KIAA1958: variants seen among roughly 807,000 people sequenced by gnomAD.
The protein encoded by KIAA1958 is uncharacterized protein KIAA1958.
In KIAA1958, 14 loss-of-function variants were observed where a neutral mutation model predicts 47.2. That is an observed-to-expected ratio of 0.30 (90% CI 0.20 to 0.46). The LOEUF is 0.46. Among genes scored for constraint, KIAA1958 ranks in the 20% least tolerant of loss-of-function variants. The pLI, the probability that KIAA1958 is intolerant of heterozygous loss-of-function variation, is 1.00. For missense variants in KIAA1958, 803 were observed against 909.2 expected (o/e 0.88, Z 1.50); for synonymous variants, 354 against 353.3 (o/e 1.00, Z -0.02).
rs1835226160 is a variant in KIAA1958 at position 112,555,589 on chromosome 9, T to A, written c.-24-18468T>A. 3.3e-5 allele frequency among the ~76,000 whole-genome samples: 5 copies of A among 152,212 alleles called. No homozygotes were observed. In the South Asian group the frequency reaches 1.0e-3, roughly 32 times the overall value. ...TTCCAGCAGGTTCATTGCCTTCTGC[T>A]CCATGGATGGCATCTTCTCGTCTTC... On this transcript the variant is annotated intron_variant, in intron 1 of 3. Coordinates refer to ENST00000337530, the MANE Select transcript of KIAA1958 (RefSeq NM_133465.4).
chr9:112,555,250 T>A (rs1835220838), intron 1 of KIAA1958, among the ~76,000 whole-genome samples: 1 of 152,202 alleles, frequency 6.6e-6, no homozygotes, highest in African/African-American at 2.4e-5. Context: ...AGAGCTTACC[T>A]CCAGGCAATA....
intron 2 of KIAA1958, chr9:112,581,734 C>G (rs1835739636): frequency 5.3e-6 from 1 of 189,640 alleles, no homozygotes; most frequent in African/African-American, 2.3e-5. Context: ...GGCCTGATAC[C>G]TTTCAACACT....
chr9:112,520,970 C>T (rs1834530007), intron 1 of KIAA1958, among the ~76,000 whole-genome samples: 1 of 152,110 alleles, frequency 6.6e-6, no homozygotes, highest in East Asian at 1.9e-4. Context: ...CCATCTCCTT[C>T]TTTGTTTTGT....
At chr9:112,592,914 C>T (rs1044544354) in intron 2 of KIAA1958, among the ~76,000 whole-genome samples, 3 of 152,120 alleles carry the variant, frequency 2.0e-5, no homozygotes, top group African/African-American at 7.2e-5. Flanking sequence ...AATTTTGCTA[C>T]TGTTGTGCTA....
intron 1 of KIAA1958, among the ~76,000 whole-genome samples, chr9:112,497,785 C>T (rs1447179032): frequency 6.6e-6 from 1 of 152,042 alleles, no homozygotes; most frequent in Non-Finnish European, 1.5e-5. Context: ...GTTTCTGTTT[C>T]TACCAGCCTC....
intron 2 of KIAA1958, among the ~76,000 whole-genome samples, chr9:112,622,891 A>G: frequency 6.6e-6 from 1 of 152,214 alleles, no homozygotes; most frequent in East Asian, 1.9e-4. Flanking sequence ...CTGGAGGGGT[A>G]TAAAGACACA....
chr9:112,563,073 C>CTG (rs1835363928), intron 1 of KIAA1958, among the ~76,000 whole-genome samples: 1 of 62,684 alleles, frequency 1.6e-5, no homozygotes, highest in East Asian at 3.3e-4. Context: ...CTGTCTCTCT[C>CTG]TCTCTCTCTC....
intron 1 of KIAA1958, among the ~76,000 whole-genome samples, chr9:112,547,775 C>T (rs1186861278): frequency 2.0e-4 from 31 of 152,070 alleles, no homozygotes; most frequent in Admixed American, 2.0e-3. Context: ...TTCCCTGGTC[C>T]AGGAGAGAAT....
intron 3 of KIAA1958, among the ~76,000 whole-genome samples, chr9:112,651,064 G>A: frequency 6.6e-6 from 1 of 152,126 alleles, no homozygotes. Context: ...AGGAAAAATT[G>A]CAAATCCACA....
At chr9:112,580,420 A>G (rs181184867) in intron 2 of KIAA1958, among the ~76,000 whole-genome samples, 5 of 152,010 alleles carry the variant, frequency 3.3e-5, no homozygotes, top group African/African-American at 1.2e-4. Flanking sequence ...ATATATATGT[A>G]TATATATATA....
intron 1 of KIAA1958, among the ~76,000 whole-genome samples, chr9:112,525,247 G>A (rs7036256): frequency 0.26 from 39,646 of 152,110 alleles, 5,184 homozygotes; most frequent in Middle Eastern, 0.39. Context: ...TTAGGTAGGT[G>A]TTCTGTGTAG....
Position 112,660,449 on chromosome 9 carries a change from AGTAGCTTTAG to A in KIAA1958, c.*381_*390del. On this transcript the variant is annotated 3_prime_UTR_variant, in exon 4 of 4. Coordinates refer to ENST00000337530, the MANE Select transcript of KIAA1958 (RefSeq NM_133465.4). ...TTTAAAAAAAAAATCCCAGTAGCGC[AGTAGCTTTAG>A]AACGTTAGGAAGACTGTACACTTTG... 1 of 211,852 alleles carries A rather than the reference AGTAGCTTTAG, an allele frequency of 4.7e-6. No homozygotes were observed. Among genetic ancestry groups the A allele is most frequent in the Non-Finnish European group, 9.6e-6 (1 of 104,216 alleles). The allele number at this position is 211,852 out of a possible 1,614,324, so 13.1% of individuals were successfully genotyped here. A position where few individuals can be genotyped will look rare whatever the true frequency, so the allele number is the denominator to read the frequency against.
chr9:112,653,019 T>C (rs1283514737), intron 3 of KIAA1958, among the ~76,000 whole-genome samples: 1 of 152,168 alleles, frequency 6.6e-6, no homozygotes, highest in Non-Finnish European at 1.5e-5. Flanking sequence ...TCAGGGAGCT[T>C]TCAGTCCACT....
rs373604210 is a variant in KIAA1958 at position 112,516,377 on chromosome 9, CTATT to C, written c.-25+29262_-25+29265del. Reference sequence around the variant, plus strand: ...TTTGTAATAGCATCAAAAACATTAACTATTTAGCGATAAAGCTAATAAAATACAT... The same window carrying C: ...TTTGTAATAGCATCAAAAACATTAACTAGCGATAAAGCTAATAAAATACAT... On this transcript the variant is annotated intron_variant, in intron 1 of 3. Transcript: ENST00000337530. 6.4e-3 allele frequency among the ~76,000 whole-genome samples: 968 copies of C among 151,966 alleles called. 13 individuals are homozygous for C. The highest frequency in any genetic ancestry group is 5.9e-3 in the Non-Finnish European group (404 of 67,968).
rs1259815587 is a variant in KIAA1958, at chr9:112,618,003, T to C, written c.1172-27647T>C. On this transcript the variant is annotated intron_variant, in intron 2 of 3. Transcript: ENST00000337530. The surrounding 1 kb of genome is among the most constrained non-coding windows in gnomAD (Gnocchi z 7.1). ...CCTTCTGAAACAAGAGAGATTTATGTCATCCCTTGCAAGGAGTTGGATGCC... is the reference window on the plus strand; with the variant it reads ...CCTTCTGAAACAAGAGAGATTTATGCCATCCCTTGCAAGGAGTTGGATGCC... 2 of 1,550,496 alleles carry C rather than the reference T, an allele frequency of 1.3e-6. No homozygotes were observed. The highest frequency in any genetic ancestry group is 1.7e-6 in the Non-Finnish European group (2 of 1,147,002).
At chr9:112,621,362 A>AG in intron 2 of KIAA1958, among the ~76,000 whole-genome samples, 1 of 152,344 alleles carries the variant, frequency 6.6e-6, no homozygotes, top group Admixed American at 6.5e-5. Flanking sequence ...GTTTAAAAAA[A>AG]GGTCTCTGTA....
chr9:112,564,494 T>C (rs1269121593), intron 1 of KIAA1958, among the ~76,000 whole-genome samples: 1 of 152,228 alleles, frequency 6.6e-6, no homozygotes, highest in Non-Finnish European at 1.5e-5. Context: ...AACTAGGGAC[T>C]CACTGTTATT....
intron 1 of KIAA1958, among the ~76,000 whole-genome samples, chr9:112,525,519 C>G (rs950657570): frequency 2.0e-5 from 3 of 152,156 alleles, no homozygotes; most frequent in Non-Finnish European, 2.9e-5. Context: ...TTCTGGGGAC[C>G]ACCAGTGGTC....
chr9:112,522,081 C>A (rs1456149351), intron 1 of KIAA1958, among the ~76,000 whole-genome samples: 1 of 152,074 alleles, frequency 6.6e-6, no homozygotes, highest in Non-Finnish European at 1.5e-5. Flanking sequence ...AAGCAATTCC[C>A]CTGCCTCAGC....
Sources: allele counts gnomAD v4.1 joint callset (sites outside exome capture counted in the v4.1 genomes callset), GRCh38; gene constraint gnomAD v4.1.1; non-coding constraint Gnocchi (gnomAD v3.1); transcripts MANE v1.5; gene names NCBI Gene and HGNC (gene_info 2026-07-23, HGNC 2026-07-21).